Variants in HDAC4 observed in about 807,000 individuals in gnomAD.
HDAC4 encodes the protein histone deacetylase 4, also known as histone deacetylase A.
Under a neutral mutation model 135.1 loss-of-function variants are expected in HDAC4, and 16 were observed. That is an observed-to-expected ratio of 0.12 (90% CI 0.08 to 0.18). The LOEUF is 0.18. Ranked by LOEUF, HDAC4 falls within the 10% of genes least tolerant of loss-of-function variation. The pLI is 1.00. For synonymous variants in HDAC4, 685 were observed against 653.4 expected (o/e 1.05, Z -0.74); for missense variants, 1,143 against 1,511.8 (o/e 0.76, Z 4.05).
Position 239,113,337 on chromosome 2 carries a change from T to TGGAGCA in HDAC4, c.1792-1631_1792-1626dup, listed in dbSNP as rs139334119. Among the ~76,000 whole-genome samples the TGGAGCA allele has an allele frequency of 8.4e-3, 1,276 of 152,256 alleles. 16 individuals carry two copies. Among genetic ancestry groups the TGGAGCA allele is most frequent in the African/African-American group, 0.029 (1,221 of 41,530 alleles). On this transcript the variant is annotated intron_variant, in intron 13 of 26. Coordinates refer to ENST00000543185, the MANE Select transcript of HDAC4 (RefSeq NM_001378414.1). ...CAGTGGGAGGAGCTGCAGCAGGAGC[T>TGGAGCA]GGAGCAGGAGCCAGCACCCACAGGC...
At chr2:239,229,451 C>T (rs1302661694) in intron 3 of HDAC4, among the ~76,000 whole-genome samples, 1 of 152,156 alleles carries the variant, frequency 6.6e-6, no homozygotes, top group African/African-American at 2.4e-5. Flanking sequence ...GAATTCTTTT[C>T]AGATTTTTCA....
chr2:239,182,783 G>A lies in HDAC4; in HGVS notation c.340-6220C>T, dbSNP rs137984311. ...GAAGACACAGGGACCCTCTGCCCTC[G>A]GCATGCTCGGAAAATGCTGGAACCA... On this transcript the variant is annotated intron_variant, in intron 4 of 26. Transcript: ENST00000543185. Among the ~76,000 whole-genome samples the A allele has an allele frequency of 5.9e-5, 9 of 152,186 alleles. No homozygotes were observed. In the East Asian group the frequency reaches 7.7e-4, roughly 13 times the overall value.
intron 18 of HDAC4, 73 bp from the exon 19 acceptor site, chr2:239,087,687 C>T: frequency 8.4e-6 from 12 of 1,423,174 alleles, no homozygotes; most frequent in Non-Finnish European, 1.2e-5. Flanking sequence ...AATGGTTGCA[C>T]ACTCAACTTT....
At chr2:239,244,347 G>A (rs2048354623) in intron 2 of HDAC4, among the ~76,000 whole-genome samples, 1 of 152,180 alleles carries the variant, frequency 6.6e-6, no homozygotes. Flanking sequence ...ACTGGCAGGT[G>A]TCTGTGAGAA....
intron 1 of HDAC4, among the ~76,000 whole-genome samples, chr2:239,375,649 C>A (rs1694953065): frequency 6.6e-6 from 1 of 152,198 alleles, no homozygotes; most frequent in Non-Finnish European, 1.5e-5. Flanking sequence ...GAGGGTCCTG[C>A]CAACTCAGTC....
intron 2 of HDAC4, among the ~76,000 whole-genome samples, chr2:239,281,388 T>C (rs527270050): frequency 3.3e-4 from 25 of 75,908 alleles, no homozygotes; most frequent in South Asian, 1.4e-3. Flanking sequence ...ACCATGTACA[T>C]GCCACTCTAC....
At chr2:239,133,354 C>G (rs1188336240) in intron 11 of HDAC4, among the ~76,000 whole-genome samples, 1 of 152,230 alleles carries the variant, frequency 6.6e-6, no homozygotes, top group Non-Finnish European at 1.5e-5. Flanking sequence ...ACAGGTGCAG[C>G]TCTGAGGGTA....
In HDAC4 at chr2:239,141,763, C is replaced by T. The variant is rs1363166626; in HGVS notation, c.866-1967G>A. On this transcript the variant is annotated intron_variant, in intron 8 of 26. Coordinates refer to ENST00000543185, the MANE Select transcript of HDAC4 (RefSeq NM_001378414.1). The surrounding 1 kb of genome is among the most constrained non-coding windows in gnomAD (Gnocchi z 4.9). ...TCAGATAAATACCCTCACGCATGTG[C>T]CTGGGGAGTCCGGACAACTTTTTGG... is the stretch of plus-strand genomic sequence containing the variant. Among the ~76,000 whole-genome samples, 6 of 152,146 alleles carry T rather than the reference C, an allele frequency of 3.9e-5. No individual in the cohort carries two copies. The highest frequency in any genetic ancestry group is 7.4e-5 in the Non-Finnish European group (5 of 68,024).
chr2:239,316,753 G>A (rs1020368374), intron 2 of HDAC4, among the ~76,000 whole-genome samples: 32 of 152,198 alleles, frequency 2.1e-4, no homozygotes, highest in Non-Finnish European at 1.0e-4. Context: ...GTGGGCAAAT[G>A]AAAGCACACA....
intron 1 of HDAC4, among the ~76,000 whole-genome samples, chr2:239,392,036 CTTGGGAGGTGAG>C (rs1696255967): frequency 6.6e-6 from 1 of 152,218 alleles, no homozygotes; most frequent in South Asian, 2.1e-4. Flanking sequence ...TCCCCACCAG[CTTGGGAGGTGAG>C]TTGGATGCTC....
chr2:239,344,483 A>G (rs938917873), intron 2 of HDAC4, among the ~76,000 whole-genome samples: 5 of 152,214 alleles, frequency 3.3e-5, no homozygotes, highest in African/African-American at 9.6e-5. Context: ...TGAGCTCTTC[A>G]TAATGACTGA....
In HDAC4 at chr2:239,358,282, G is replaced by A. The variant is rs115163999; in HGVS notation, c.-219-5364C>T. On this transcript the variant is annotated intron_variant, in intron 1 of 26. Transcript: ENST00000543185. ...TTCGTGTGGACTCACAGATAGTTAC[G>A]TTATCCGCTGTGTTATTAGTCCCAT... Among the ~76,000 whole-genome samples, 771 of 152,324 alleles carry A rather than the reference G, an allele frequency of 5.1e-3. 5 individuals are homozygous for A. The highest frequency in any genetic ancestry group is 0.017 in the African/African-American group (713 of 41,562).
chr2:239,367,926 C>G (rs551150780), intron 1 of HDAC4, among the ~76,000 whole-genome samples: 3 of 151,706 alleles, frequency 2.0e-5, no homozygotes, highest in Non-Finnish European at 4.4e-5. Context: ...GGCAGTGAGC[C>G]GAGACCACAC....
At chr2:239,190,978 C>T (rs762197360) in intron 3 of HDAC4, 26 of 465,902 alleles carry the variant, frequency 5.6e-5, no homozygotes, top group South Asian at 3.7e-4. Context: ...CAGGCACTCA[C>T]TCTGAGCCAG....
At chr2:239,291,485 A>T (rs1316005277) in intron 2 of HDAC4, among the ~76,000 whole-genome samples, 3 of 152,224 alleles carry the variant, frequency 2.0e-5, no homozygotes, top group Non-Finnish European at 4.4e-5. Context: ...AAACGTCATC[A>T]TCTAGAGACC....
intron 2 of HDAC4, among the ~76,000 whole-genome samples, chr2:239,348,263 G>A (rs1470174541): frequency 1.4e-5 from 2 of 143,996 alleles, no homozygotes; most frequent in African/African-American, 5.8e-5. Context: ...GCACCATCCC[G>A]CTGACCACAG....
chr2:239,147,223 T>C (rs2041825476), intron 7 of HDAC4, among the ~76,000 whole-genome samples: 1 of 152,150 alleles, frequency 6.6e-6, no homozygotes, highest in East Asian at 1.9e-4. Flanking sequence ...AGAGAAGCCC[T>C]AGGGGGCAGA....
chr2:239,337,403 G>A (rs572969890), intron 2 of HDAC4, among the ~76,000 whole-genome samples: 2 of 152,144 alleles, frequency 1.3e-5, no homozygotes, highest in African/African-American at 2.4e-5. Context: ...ACCAATACAA[G>A]CTCCATTCAC....
chr2:239,283,611 T>C (rs1035041723), intron 2 of HDAC4, among the ~76,000 whole-genome samples: 9 of 152,224 alleles, frequency 5.9e-5, no homozygotes, highest in Admixed American at 2.0e-4. Flanking sequence ...AAGGCAGAGT[T>C]GTAAGCACTG....
Sources: allele counts gnomAD v4.1 joint callset (sites outside exome capture counted in the v4.1 genomes callset), GRCh38; gene constraint gnomAD v4.1.1; non-coding constraint Gnocchi (gnomAD v3.1); transcripts MANE v1.5; gene names NCBI Gene and HGNC (gene_info 2026-07-23, HGNC 2026-07-21).